The following CSMD1 variants were observed in gnomAD, a reference collection of about 807,000 sequenced individuals.
CSMD1 encodes CUB and Sushi multiple domains 1.
In CSMD1, 213 loss-of-function variants were observed where a neutral mutation model predicts 417.5. The ratio of observed to expected loss-of-function variants is 0.51; its 90% confidence interval spans 0.46 to 0.57. CSMD1 has a LOEUF of 0.57. CSMD1 is among the 20% of genes least tolerant of loss of function. CSMD1 has a pLI of 0.00. For missense variants in CSMD1, 6,923 were observed against 4,529.7 expected (o/e 1.53, Z -15.17); for synonymous variants, 2,862 against 1,736.8 (o/e 1.65, Z -16.11).
intron 5 of CSMD1, among the ~76,000 whole-genome samples, chr8:3,793,898 T>A (rs1441866122): frequency 1.3e-5 from 2 of 152,132 alleles, no homozygotes; most frequent in Admixed American, 1.3e-4. Context: ...ATCGCAGAGT[T>A]CCCTTTGGAA....
intron 2 of CSMD1, among the ~76,000 whole-genome samples, chr8:4,489,958 C>A (rs1376287226): frequency 6.6e-6 from 1 of 151,888 alleles, no homozygotes; most frequent in African/African-American, 2.4e-5. Context: ...CATTAAGTAG[C>A]AACAGGAAGT....
At chr8:4,908,356 T>C (rs1381888193) in intron 1 of CSMD1, among the ~76,000 whole-genome samples, 3 of 152,212 alleles carry the variant, frequency 2.0e-5, no homozygotes, top group Non-Finnish European at 4.4e-5. Flanking sequence ...TTTATAATTC[T>C]TGATGTTCTC....
intron 1 of CSMD1, among the ~76,000 whole-genome samples, chr8:4,727,375 T>A (rs1179650242): frequency 6.6e-6 from 1 of 152,162 alleles, no homozygotes; most frequent in African/African-American, 2.4e-5. Context: ...ACTAATGCTC[T>A]CCATTGAAAG....
At chr8:3,562,568 C>T (rs761037492) in intron 10 of CSMD1, among the ~76,000 whole-genome samples, 2 of 152,084 alleles carry the variant, frequency 1.3e-5, no homozygotes, top group African/African-American at 2.4e-5. Flanking sequence ...TTAAAACTCT[C>T]CCTTAATATG....
chr8:3,115,259 T>C (rs1005355210), intron 42 of CSMD1, among the ~76,000 whole-genome samples: 9 of 134,800 alleles, frequency 6.7e-5, no homozygotes, highest in African/African-American at 2.4e-4. Context: ...TGGAGTGCAA[T>C]GGCGCTATCT....
chr8:3,883,177 G>A (rs1274884027), intron 5 of CSMD1, among the ~76,000 whole-genome samples: 2 of 151,934 alleles, frequency 1.3e-5, no homozygotes, highest in Non-Finnish European at 2.9e-5. Flanking sequence ...TAAATGGCTG[G>A]GTGCAAATGC....
At chr8:3,292,873 T>C (rs548177727) in intron 25 of CSMD1, among the ~76,000 whole-genome samples, 2,612 of 152,222 alleles carry the variant, frequency 0.017, 77 homozygotes, top group African/African-American at 0.06. Flanking sequence ...GTCATTATGA[T>C]GTTAGCTGGT....
rs1384893144 is a variant in CSMD1, at chr8:3,641,547, T to C, written c.1010-24750A>G. On this transcript the variant is annotated intron_variant, in intron 7 of 69. Coordinates refer to ENST00000635120, the MANE Select transcript of CSMD1 (RefSeq NM_033225.6). ...ATTATTTCAGCACACAGAAAGGGAG[T>C]GTATGAAAGTCAGAACATCCTTTCA... Among the ~76,000 whole-genome samples the C allele has an allele frequency of 3.3e-5, 5 of 152,134 alleles. No homozygotes were observed. The East Asian group carries it at 9.7e-4, about 29-fold the overall frequency.
At chr8:4,724,619 A>G (rs546227821) in intron 1 of CSMD1, among the ~76,000 whole-genome samples, 1 of 151,844 alleles carries the variant, frequency 6.6e-6, no homozygotes, top group South Asian at 2.1e-4. Context: ...ATTATGTGAT[A>G]TTATTTGGAA....
At chr8:3,333,856 C>A (rs191156146) in intron 23 of CSMD1, among the ~76,000 whole-genome samples, 1 of 152,196 alleles carries the variant, frequency 6.6e-6, no homozygotes, top group Non-Finnish European at 1.5e-5. Context: ...TACTTTAAAA[C>A]AGCAATGCTT....
intron 4 of CSMD1, among the ~76,000 whole-genome samples, chr8:4,011,686 A>C (rs1354196301): frequency 1.5e-4 from 23 of 152,206 alleles, no homozygotes; most frequent in Non-Finnish European, 3.2e-4. Flanking sequence ...CTACGAAATA[A>C]TTAGAAAGTC....
chr8:3,858,638 C>G (rs1307737807), intron 5 of CSMD1, among the ~76,000 whole-genome samples: 1 of 151,728 alleles, frequency 6.6e-6, no homozygotes, highest in African/African-American at 2.4e-5. Flanking sequence ...TTACCTTTTT[C>G]TATGTATTTA....
intron 36 of CSMD1, among the ~76,000 whole-genome samples, chr8:3,182,788 C>G (rs1172050432): frequency 9.2e-6 from 1 of 108,616 alleles, no homozygotes; most frequent in Non-Finnish European, 1.8e-5. Context: ...GAAGTGGTTT[C>G]ACCGTGTTAG....
chr8:3,210,384 C>A (rs929644114), intron 30 of CSMD1, among the ~76,000 whole-genome samples: 12 of 39,192 alleles, frequency 3.1e-4, no homozygotes, highest in African/African-American at 1.6e-3. Context: ...GAAACTGAAA[C>A]AGTCTCTAAT....
chr8:4,562,786 G>T (rs929409769), intron 2 of CSMD1, among the ~76,000 whole-genome samples: 1 of 152,022 alleles, frequency 6.6e-6, no homozygotes, highest in East Asian at 1.9e-4. Context: ...ATCCTAAAAG[G>T]TATATCATAT....
intron 5 of CSMD1, among the ~76,000 whole-genome samples, chr8:3,904,562 T>C (rs1807980601): frequency 6.6e-6 from 1 of 152,150 alleles, no homozygotes; most frequent in African/African-American, 2.4e-5. Context: ...GAAACACACT[T>C]TGGAGAGTTG....
intron 25 of CSMD1, among the ~76,000 whole-genome samples, chr8:3,297,548 T>TA (rs1432403443): frequency 6.6e-6 from 1 of 152,194 alleles, no homozygotes; most frequent in African/African-American, 2.4e-5. Flanking sequence ...TAATTTGTAC[T>TA]ATAGTGCAAT....
intron 12 of CSMD1, among the ~76,000 whole-genome samples, chr8:3,411,670 G>A (rs1309691727): frequency 1.1e-5 from 1 of 91,082 alleles, no homozygotes; most frequent in Non-Finnish European, 2.3e-5. Context: ...ATATATATAC[G>A]TGTATATATA....
At chr8:3,235,175 T>A (rs1055601317) in intron 26 of CSMD1, among the ~76,000 whole-genome samples, 4 of 152,198 alleles carry the variant, frequency 2.6e-5, no homozygotes, top group Admixed American at 6.5e-5. Context: ...ATTTATACAA[T>A]GAAATGAATG....
Sources: allele counts gnomAD v4.1 joint callset (sites outside exome capture counted in the v4.1 genomes callset), GRCh38; gene constraint gnomAD v4.1.1; transcripts MANE v1.5; gene names NCBI Gene and HGNC (gene_info 2026-07-23, HGNC 2026-07-21).